The following PSMF1 variants were observed in gnomAD, a reference collection of about 807,000 sequenced individuals.
The protein encoded by PSMF1 is proteasome inhibitor subunit 1.
In PSMF1, 30 loss-of-function variants were observed where a neutral mutation model predicts 29.3. That is an observed-to-expected ratio of 1.02 (90% CI 0.77 to 1.39). The LOEUF (loss-of-function observed/expected upper bound fraction) is 1.39. PSMF1 is among the 40% of genes most tolerant of loss of function. PSMF1 has a pLI of 0.00. For synonymous variants in PSMF1, 134 were observed against 139.7 expected, an observed-to-expected ratio of 0.96 and a Z score of 0.29; for missense variants, 344 against 357.5, an observed-to-expected ratio of 0.96 and a Z score of 0.31.
At chr20:1,129,388 A>G (rs560318936) in intron 3 of PSMF1, among the ~76,000 whole-genome samples, 1 of 152,336 alleles carries the variant, frequency 6.6e-6, no homozygotes, top group Admixed American at 6.5e-5. Context: ...ATTTAATAGT[A>G]TCTAATCAGC....
chr20:1,126,694 G>A lies in PSMF1; in HGVS notation c.283-732G>A, dbSNP rs535786746. 3.9e-5 allele frequency among the ~76,000 whole-genome samples: 6 copies of A among 152,186 alleles called. No individual in the cohort carries two copies. In the East Asian group the frequency reaches 7.7e-4, roughly 20 times the overall value. On this transcript the variant is annotated intron_variant, in intron 2 of 6. Coordinates refer to ENST00000335877, the MANE Select transcript of PSMF1 (RefSeq NM_006814.5). ...GTTTGAGACCAGCCTGGTCAATATG[G>A]TGAAACCCTGTCTCTACTAAAAATA...
At chr20:1,144,213 A>G (rs1271006487) in intron 4 of PSMF1, among the ~76,000 whole-genome samples, 3 of 152,250 alleles carry the variant, frequency 2.0e-5, no homozygotes, top group Non-Finnish European at 4.4e-5. Flanking sequence ...GTGAAATGCA[A>G]ATGAAACCAC....
In PSMF1 at chr20:1,131,102, TC is replaced by T. The variant is rs887122926; in HGVS notation, c.365+3597del. On this transcript the variant is annotated intron_variant, in intron 3 of 6. Transcript: ENST00000335877. ...TGCCGCGCCTCTGGGTGTTGCACACTCCCTGACACCCTGGCCCCTCTTAGTG... is the reference window on the plus strand; with the variant it reads ...TGCCGCGCCTCTGGGTGTTGCACACTCCTGACACCCTGGCCCCTCTTAGTG... 1.6e-3 allele frequency among the ~76,000 whole-genome samples: 237 copies of T among 152,314 alleles called. 3 individuals carry two copies. The highest frequency in any genetic ancestry group is 9.8e-4 in the Non-Finnish European group (67 of 68,022).
chr20:1,158,925 G>T (rs191441457), intron 4 of PSMF1, among the ~76,000 whole-genome samples: 3 of 152,090 alleles, frequency 2.0e-5, no homozygotes, highest in Admixed American at 1.3e-4. Flanking sequence ...GCGTGGTGGC[G>T]CATGCCTGTA....
intron 1 of PSMF1, among the ~76,000 whole-genome samples, chr20:1,123,069 T>C (rs540113404): frequency 1.3e-5 from 2 of 152,372 alleles, no homozygotes; most frequent in Admixed American, 1.3e-4. Context: ...TAGTTTCTTT[T>C]TCGCAGAAGA....
chr20:1,141,588 G>C (rs187973728), intron 4 of PSMF1, among the ~76,000 whole-genome samples: 3 of 152,014 alleles, frequency 2.0e-5, no homozygotes, highest in Admixed American at 2.0e-4. Context: ...TTTAAAATTA[G>C]CTACTGAATG....
At chr20:1,128,693 C>G (rs985733561) in intron 3 of PSMF1, among the ~76,000 whole-genome samples, 2 of 106,352 alleles carry the variant, frequency 1.9e-5, no homozygotes, top group African/African-American at 6.3e-5. Flanking sequence ...AGGGATTTTC[C>G]CCCCATCTTC....
At chr20:1,156,579 T>C (rs2086597370) in intron 4 of PSMF1, among the ~76,000 whole-genome samples, 1 of 152,208 alleles carries the variant, frequency 6.6e-6, no homozygotes, top group African/African-American at 2.4e-5. Flanking sequence ...ATCAGAAATC[T>C]TGGAGGCCAG....
Position 1,165,117 on chromosome 20 carries a change from TTCTCC to T in PSMF1, c.*39_*43del, listed in dbSNP as rs1401401911. On this transcript the variant is annotated 3_prime_UTR_variant, in exon 7 of 7. Coordinates refer to ENST00000335877, the MANE Select transcript of PSMF1 (RefSeq NM_006814.5). Reference sequence around the variant, plus strand: ...ATGTAACATCCCAGGCTTCCCTCCATTCTCCTGGAGCTGCCACCGCTGTCCCCATC... The same window carrying T: ...ATGTAACATCCCAGGCTTCCCTCCATTGGAGCTGCCACCGCTGTCCCCATC... 2 of 1,613,988 alleles carry T rather than the reference TTCTCC, an allele frequency of 1.2e-6. No individual in the cohort carries two copies. The highest frequency in any genetic ancestry group is 8.5e-7 in the Non-Finnish European group (1 of 1,180,004).
intron 1 of PSMF1, among the ~76,000 whole-genome samples, chr20:1,122,172 A>G (rs2086095837): frequency 6.6e-6 from 1 of 152,206 alleles, no homozygotes; most frequent in African/African-American, 2.4e-5. Flanking sequence ...TTCTCTAGCC[A>G]TAGCCTGGGC....
chr20:1,125,951 C>T (rs879573150), intron 2 of PSMF1: 9 of 519,882 alleles, frequency 1.7e-5, no homozygotes, highest in Non-Finnish European at 3.4e-5. Context: ...CAATGGGCTA[C>T]TTCAGTTCCT....
chr20:1,160,780 C>T (rs891577925), intron 4 of PSMF1: 12 of 422,358 alleles, frequency 2.8e-5, no homozygotes, highest in Admixed American at 7.9e-5. Context: ...GGCATCCTGA[C>T]GATGAAGTAC....
chr20:1,127,172 T>C (rs2086168650), intron 2 of PSMF1: 1 of 645,150 alleles, frequency 1.6e-6, no homozygotes, highest in African/African-American at 1.8e-5. Context: ...AACACCTCAA[T>C]TACCATGCCT....
At chr20:1,147,115 A>G (rs1481571163) in intron 4 of PSMF1, among the ~76,000 whole-genome samples, 2 of 151,904 alleles carry the variant, frequency 1.3e-5, no homozygotes, top group South Asian at 2.1e-4. Context: ...GCCCAGGTCC[A>G]TTATGGACAT....
intron 4 of PSMF1, among the ~76,000 whole-genome samples, chr20:1,145,431 A>G (rs2086437823): frequency 6.6e-6 from 1 of 152,124 alleles, no homozygotes; most frequent in Non-Finnish European, 1.5e-5. Flanking sequence ...AGGCTTCCCC[A>G]AGGAAGGGAC....
chr20:1,159,915 A>G (rs1261907657), intron 4 of PSMF1, among the ~76,000 whole-genome samples: 1 of 152,132 alleles, frequency 6.6e-6, no homozygotes, highest in Non-Finnish European at 1.5e-5. Flanking sequence ...TCTTACCTGT[A>G]AGCTTAGATT....
intron 4 of PSMF1, among the ~76,000 whole-genome samples, chr20:1,149,436 G>C (rs1239429531): frequency 6.6e-6 from 1 of 152,168 alleles, no homozygotes; most frequent in Non-Finnish European, 1.5e-5. Context: ...GAGATATGCA[G>C]ATCTGCTCAA....
chr20:1,147,173 T>TCACCAC (rs5839897), intron 4 of PSMF1, among the ~76,000 whole-genome samples: 22 of 111,100 alleles, frequency 2.0e-4, no homozygotes, highest in Admixed American at 4.6e-4. Context: ...ATCATCATCA[T>TCACCAC]CATCACCACC....
chr20:1,156,785 A>G (rs1319313011), intron 4 of PSMF1, among the ~76,000 whole-genome samples: 1 of 152,202 alleles, frequency 6.6e-6, no homozygotes, highest in Non-Finnish European at 1.5e-5. Context: ...CTCAGACAGA[A>G]TGGAGATGAT....
Sources: gnomAD v4.1 joint callset for allele counts (sites outside exome capture counted in the v4.1 genomes callset) on GRCh38, gnomAD v4.1.1 for gene constraint, MANE v1.5 for transcripts, NCBI Gene and HGNC (gene_info 2026-07-23, HGNC 2026-07-21) for gene names.